Variants in FILIP1L observed in about 807,000 individuals in gnomAD.
The protein encoded by FILIP1L is filamin A interacting protein 1 like.
Under a neutral mutation model 96.6 loss-of-function variants are expected in FILIP1L, and 55 were observed. The ratio of observed to expected loss-of-function variants is 0.57; its 90% CI spans 0.46 to 0.71. The LOEUF is 0.71. Ranked by LOEUF, FILIP1L falls within the 30% of genes least tolerant of loss-of-function variation. The pLI, the probability that FILIP1L is intolerant of heterozygous loss-of-function variation, is 0.00. For missense variants in FILIP1L, 1,304 were observed against 1,321.2 expected (o/e 0.99, Z 0.20); for synonymous variants, 467 against 473.9 (o/e 0.99, Z 0.19).
At chr3:100,055,331 A>T (rs2065446488) in intron 1 of FILIP1L, among the ~76,000 whole-genome samples, 2 of 152,072 alleles carry the variant, frequency 1.3e-5, no homozygotes, top group Admixed American at 1.3e-4. Context: ...CCCCAACATC[A>T]CTGGCACACT....
intron 1 of FILIP1L, among the ~76,000 whole-genome samples, chr3:100,083,377 T>C (rs1366801193): frequency 6.6e-6 from 1 of 152,222 alleles, no homozygotes; most frequent in Non-Finnish European, 1.5e-5. Context: ...ACCTGGGAAC[T>C]TGCAAGACAT....
intron 4 of FILIP1L, among the ~76,000 whole-genome samples, chr3:99,851,787 A>C (rs1943710129): frequency 6.6e-6 from 1 of 152,224 alleles, no homozygotes; most frequent in South Asian, 2.1e-4. Flanking sequence ...GTGCCAATTA[A>C]AACTTGGTTT....
At chr3:100,074,212 A>C (rs1036835440) in intron 1 of FILIP1L, among the ~76,000 whole-genome samples, 1 of 152,146 alleles carries the variant, frequency 6.6e-6, no homozygotes, top group Non-Finnish European at 1.5e-5. Context: ...AGAGCTCTAA[A>C]TCTGACAGCC....
At chr3:99,909,762 C>T (rs550347125) in intron 4 of FILIP1L, among the ~76,000 whole-genome samples, 2 of 152,148 alleles carry the variant, frequency 1.3e-5, no homozygotes, top group East Asian at 3.9e-4. Flanking sequence ...TTTAGATAAC[C>T]TCAGTGTATA....
chr3:99,923,026 T>C (rs1249479662), intron 4 of FILIP1L, among the ~76,000 whole-genome samples: 1 of 152,210 alleles, frequency 6.6e-6, no homozygotes, highest in Non-Finnish European at 1.5e-5. Flanking sequence ...GTTCACTCTC[T>C]TTTTAAAGTC....
chr3:100,096,574 C>T (rs1232609302), intron 1 of FILIP1L, among the ~76,000 whole-genome samples: 1 of 150,832 alleles, frequency 6.6e-6, no homozygotes, highest in Non-Finnish European at 1.5e-5. Flanking sequence ...TAATTGAACA[C>T]ATGTTGATGG....
chr3:99,989,735 T>C (rs927936064), intron 1 of FILIP1L, among the ~76,000 whole-genome samples: 10 of 151,634 alleles, frequency 6.6e-5, no homozygotes, highest in African/African-American at 2.2e-4. Context: ...AGTAAGGTAA[T>C]CCTATTTAGT....
chr3:99,907,909 C>T (rs1016252756), intron 4 of FILIP1L, among the ~76,000 whole-genome samples: 2 of 152,168 alleles, frequency 1.3e-5, no homozygotes, highest in Non-Finnish European at 2.9e-5. Context: ...ATGTGTGATC[C>T]AGTGCCTGGC....
chr3:99,953,646 A>G (rs1424479434), intron 1 of FILIP1L, among the ~76,000 whole-genome samples: 1 of 152,198 alleles, frequency 6.6e-6, no homozygotes, highest in East Asian at 1.9e-4. Flanking sequence ...TTGTCTTGCT[A>G]ATAGGAAGAT....
At chr3:99,982,189 T>C (rs149051996) in intron 1 of FILIP1L, among the ~76,000 whole-genome samples, 1,789 of 152,298 alleles carry the variant, frequency 0.012, 23 homozygotes, top group African/African-American at 0.026. Flanking sequence ...TATGTTTTTT[T>C]AATAGTATTG....
intron 1 of FILIP1L, among the ~76,000 whole-genome samples, chr3:100,028,953 T>C (rs1216255580): frequency 6.6e-6 from 1 of 152,172 alleles, no homozygotes; most frequent in Non-Finnish European, 1.5e-5. Context: ...ATCCTGTTGA[T>C]GTTTTACAAG....
At chr3:99,945,230 G>A (rs1707973308) in intron 1 of FILIP1L, among the ~76,000 whole-genome samples, 1 of 152,088 alleles carries the variant, frequency 6.6e-6, no homozygotes, top group Non-Finnish European at 1.5e-5. Flanking sequence ...CTCTAAGAAG[G>A]GCCATCTCCA....
chr3:99,981,174 A>G (rs946026077), intron 1 of FILIP1L, among the ~76,000 whole-genome samples: 2 of 152,178 alleles, frequency 1.3e-5, no homozygotes, highest in African/African-American at 4.8e-5. Flanking sequence ...TGTGGTGCCA[A>G]TAGTTCTTTG....
In FILIP1L at chr3:99,834,234, C is replaced by G. The variant is rs537770061; in HGVS notation, c.3382-3629G>C. Reference sequence around the variant, plus strand: ...CAGGAAAGGGTCTTTCAAAGGAAAGCTGTTTGATTTTATTAGCTCATTCTC... The same window carrying G: ...CAGGAAAGGGTCTTTCAAAGGAAAGGTGTTTGATTTTATTAGCTCATTCTC... On this transcript the variant is annotated intron_variant, in intron 5 of 5. Coordinates refer to ENST00000477258, the MANE Select transcript of FILIP1L (RefSeq NM_001387850.1). Among the ~76,000 whole-genome samples, 41 of 152,296 alleles carry G rather than the reference C, an allele frequency of 2.7e-4. No homozygotes were observed. In the South Asian group the frequency reaches 6.8e-3, roughly 25 times the overall value.
intron 1 of FILIP1L, among the ~76,000 whole-genome samples, chr3:100,078,055 A>C (rs974030257): frequency 6.6e-6 from 1 of 152,040 alleles, no homozygotes; most frequent in Admixed American, 6.5e-5. Context: ...TATCCTATTT[A>C]TAAGTTAGAA....
chr3:99,872,277 G>C (rs1241511862), intron 4 of FILIP1L, among the ~76,000 whole-genome samples: 3 of 114,020 alleles, frequency 2.6e-5, no homozygotes, highest in African/African-American at 1.2e-4. Flanking sequence ...GACTGTGTGT[G>C]TGTGTGTGTG....
chr3:100,094,389 A>G (rs191408871), intron 1 of FILIP1L, among the ~76,000 whole-genome samples: 6 of 152,244 alleles, frequency 3.9e-5, no homozygotes, highest in Admixed American at 1.3e-4. Context: ...TATTATTTTC[A>G]TTCCCTTAAC....
chr3:99,993,811 C>A (rs910378868), intron 1 of FILIP1L, among the ~76,000 whole-genome samples: 1 of 152,016 alleles, frequency 6.6e-6, no homozygotes, highest in Non-Finnish European at 1.5e-5. Flanking sequence ...TCCTTGCATC[C>A]CTGGGATAAA....
rs867658995 is a variant in FILIP1L, at chr3:99,983,452, A to G, written c.-10-52422T>C. ...TGTATGTATATATATGTATGTATAT[A>G]TATATATGTGTGTATATATATATAT... is the stretch of plus-strand genomic sequence containing the variant. On this transcript the variant is annotated intron_variant, in intron 1 of 5. Coordinates refer to ENST00000477258, the MANE Select transcript of FILIP1L (RefSeq NM_001387850.1). Among the ~76,000 whole-genome samples, 43 of 8,232 alleles carry G rather than the reference A, an allele frequency of 5.2e-3. 2 individuals are homozygous for G. The highest frequency in any genetic ancestry group is 0.021 in the African/African-American group (39 of 1,854). 5.4% of individuals were successfully genotyped at this position (8,232 alleles called of 152,430 possible). A position where few individuals can be genotyped will look rare whatever the true frequency, so the allele number is the denominator to read the frequency against.
Sources: gnomAD v4.1 joint callset for allele counts (sites outside exome capture counted in the v4.1 genomes callset) on GRCh38, gnomAD v4.1.1 for gene constraint, MANE v1.5 for transcripts, NCBI Gene and HGNC (gene_info 2026-07-23, HGNC 2026-07-21) for gene names.